The following EIF3J variants were observed in gnomAD, a reference collection of about 807,000 sequenced individuals.
EIF3J encodes the protein eukaryotic translation initiation factor 3, subunit 1 (alpha, 35kD).
Under a neutral mutation model 39.0 loss-of-function variants are expected in EIF3J, and 15 were observed. The ratio of observed to expected loss-of-function variants is 0.38; its 90% CI spans 0.26 to 0.59. The LOEUF (loss-of-function observed/expected upper bound fraction) is 0.59. Among genes scored for constraint, EIF3J ranks in the 20% least tolerant of loss-of-function variants. EIF3J has a pLI of 0.60. For missense variants in EIF3J, 226 were observed against 308.6 expected (o/e 0.73, Z 2.00); for synonymous variants, 98 against 112.9 (o/e 0.87, Z 0.84).
intron 2 of EIF3J, among the ~76,000 whole-genome samples, chr15:44,539,885 C>G (rs1417732951): frequency 6.6e-6 from 1 of 151,144 alleles, no homozygotes; most frequent in African/African-American, 2.4e-5. Flanking sequence ...CTCAGCCTTT[C>G]TAGTAGCTGG....
chr15:44,557,542 G>T lies in EIF3J; in HGVS notation c.463G>T (p.Asp155Tyr). Reference protein sequence around the residue: ...IDAMNPSSRDDFTEFGKLLKD... With the variant: ...IDAMNPSSRDYFTEFGKLLKD... ...TGCTATGAACCCATCTTCAAGAGAT[G>T]ACTTTACAGAGTTTGGAAAGTTACT... The change falls in exon 6 of 8, where the codon GAC becomes TAC. Residue 155 changes from aspartate to tyrosine, a missense_variant. Asp to Tyr is a radical substitution (Grantham distance 160). This residue lies in a region of EIF3J where 83 missense variants were observed against 152.6 expected (regional missense o/e 0.54). Coordinates refer to ENST00000261868, the MANE Select transcript of EIF3J (RefSeq NM_003758.4). 6.4e-7 allele frequency: 1 copy of T among 1,556,798 alleles called. No homozygotes were observed. Among genetic ancestry groups the T allele is most frequent in the South Asian group, 1.3e-5 (1 of 77,824 alleles).
At chr15:44,557,070 T>C (rs2140901861) in intron 5 of EIF3J, among the ~76,000 whole-genome samples, 1 of 152,352 alleles carries the variant, frequency 6.6e-6, no homozygotes, top group South Asian at 2.1e-4. Flanking sequence ...TACAGAATTA[T>C]ATGCTTCCTT....
At chr15:44,553,104 T>C (rs1013971875) in intron 4 of EIF3J, among the ~76,000 whole-genome samples, 19 of 151,608 alleles carry the variant, frequency 1.3e-4, no homozygotes, top group African/African-American at 4.6e-4. Flanking sequence ...GAGAATCACT[T>C]GAGCCCAGGA....
At chr15:44,560,915 C>T in intron 7 of EIF3J, 103 bp from the exon 8 acceptor site, 1 of 1,473,264 alleles carries the variant, frequency 6.8e-7, no homozygotes. Context: ...ACTAGTGTTT[C>T]TGGGACCAAA....
chr15:44,547,973 T>G (rs1595801652), intron 2 of EIF3J, among the ~76,000 whole-genome samples: 1 of 152,136 alleles, frequency 6.6e-6, no homozygotes, highest in Non-Finnish European at 1.5e-5. Flanking sequence ...TCCTAACTGC[T>G]AATGGAGAAG....
intron 4 of EIF3J, among the ~76,000 whole-genome samples, chr15:44,552,110 C>T (rs142740660): frequency 1.8e-4 from 28 of 152,040 alleles, no homozygotes; most frequent in African/African-American, 5.8e-4. Context: ...TGTGAGCCAC[C>T]GCGTCTGGCC....
rs1403902863 is a variant in EIF3J at position 44,561,859 on chromosome 15, ATTTT to A, written c.*712_*715del. 1.3e-5 allele frequency: 2 copies of A among 152,498 alleles called. No homozygotes were observed. Among genetic ancestry groups the A allele is most frequent in the Non-Finnish European group, 2.9e-5 (2 of 67,996 alleles). The allele number at this position is 152,498 out of a possible 1,614,324, so 9.4% of individuals were successfully genotyped here. A position where few individuals can be genotyped will look rare whatever the true frequency, so the allele number is the denominator to read the frequency against. On this transcript the variant is annotated 3_prime_UTR_variant, in exon 8 of 8. Coordinates refer to ENST00000261868, the MANE Select transcript of EIF3J (RefSeq NM_003758.4). ...TGCTTCAGGTGGGGGAGGGAAACTT[ATTTT>A]TATTTGCCTGATTTAAGTGTCTGAG...
At chr15:44,555,002 G>A (rs911462119) in intron 5 of EIF3J, among the ~76,000 whole-genome samples, 1 of 152,240 alleles carries the variant, frequency 6.6e-6, no homozygotes, top group Non-Finnish European at 1.5e-5. Context: ...GAAATGGACT[G>A]TAGGGCTGTC....
rs1046342811 is a variant in EIF3J at position 44,562,402 on chromosome 15, G to A, written c.*1253G>A. ...GGTTTATGGCTGTTAAGTATAGATT[G>A]GGGAATCTTTATTATGTCTTCTCCT... On this transcript the variant is annotated 3_prime_UTR_variant, in exon 8 of 8. Coordinates refer to ENST00000261868, the MANE Select transcript of EIF3J (RefSeq NM_003758.4). 1 of 152,300 alleles carries A rather than the reference G, an allele frequency of 6.6e-6. No homozygotes were observed. The highest frequency in any genetic ancestry group is 2.1e-4 in the South Asian group (1 of 4,822). 9.4% of individuals were successfully genotyped at this position (152,300 alleles called of 1,614,324 possible). A position where few individuals can be genotyped will look rare whatever the true frequency, so the allele number is the denominator to read the frequency against.
intron 5 of EIF3J, among the ~76,000 whole-genome samples, chr15:44,555,396 C>G (rs2082136136): frequency 6.6e-6 from 1 of 152,050 alleles, no homozygotes; most frequent in Admixed American, 6.6e-5. Flanking sequence ...ATTCTGATAC[C>G]CCTCCCCCAC....
At chr15:44,559,721 A>T (rs2082175862) in intron 6 of EIF3J, among the ~76,000 whole-genome samples, 1 of 149,778 alleles carries the variant, frequency 6.7e-6, no homozygotes, top group African/African-American at 2.5e-5. Context: ...AAAAAAAAAA[A>T]TAATAGTAAT....
chr15:44,544,936 G>A (rs902413814), intron 2 of EIF3J, among the ~76,000 whole-genome samples: 9 of 151,056 alleles, frequency 6.0e-5, no homozygotes, highest in African/African-American at 2.2e-4. Context: ...CCTAGGAGGC[G>A]GAGGTTGCAG....
chr15:44,559,836 G>A (rs574150879), intron 6 of EIF3J, among the ~76,000 whole-genome samples: 3 of 152,292 alleles, frequency 2.0e-5, no homozygotes, highest in East Asian at 3.9e-4. Context: ...AGGATAGTAG[G>A]GAGCATTGTG....
chr15:44,560,209 T>A (rs1337445939), intron 6 of EIF3J, 40 bp from the exon 7 acceptor site: 1 of 1,566,242 alleles, frequency 6.4e-7, no homozygotes, highest in Non-Finnish European at 8.6e-7. Context: ...TCAAAATGCT[T>A]AAAAATTCAA....
At chr15:44,544,068 GT>G (rs1320695634) in intron 2 of EIF3J, among the ~76,000 whole-genome samples, 2 of 146,976 alleles carry the variant, frequency 1.4e-5, no homozygotes, top group South Asian at 4.4e-4. Flanking sequence ...TTGCAGACCA[GT>G]TTTTTTCTTT....
At position 44,537,196 on chromosome 15, in the gene EIF3J, T is replaced by TGGCGGC. The variant is rs560378535; in HGVS notation, c.20_25dup (p.Ala7_Ala8dup). The TGGCGGC allele has an allele frequency of 1.8e-4, 282 of 1,601,428 alleles. No homozygotes were observed. The highest frequency in any genetic ancestry group is 9.8e-4 in the African/African-American group (73 of 74,152). ...ACACACGCTCACACCCGGCTCGAGA[T>TGGCGGC]GGCGGCGGCGGCGGCGGCGGCGGGG... On this transcript the variant is annotated inframe_insertion, in exon 1 of 8. Transcript: ENST00000261868.
At chr15:44,547,440 CTTTTTT>C (rs986408245) in intron 2 of EIF3J, among the ~76,000 whole-genome samples, 1 of 92,524 alleles carries the variant, frequency 1.1e-5, no homozygotes. Context: ...GGCCTTGATT[CTTTTTT>C]TTTTTTTTTT....
At chr15:44,539,692 A>G (rs539927532) in intron 2 of EIF3J, among the ~76,000 whole-genome samples, 79 of 144,212 alleles carry the variant, frequency 5.5e-4, no homozygotes, top group African/African-American at 1.6e-3. Flanking sequence ...GAGCCACCAC[A>G]CCCGGCCCCA....
In EIF3J at chr15:44,562,400, T is replaced by C. The variant is rs571137659; in HGVS notation, c.*1251T>C. 2.0e-5 allele frequency: 3 copies of C among 152,382 alleles called. No homozygotes were observed. The highest frequency in any genetic ancestry group is 2.1e-4 in the South Asian group (1 of 4,830). The allele number at this position is 152,382 out of a possible 1,614,324, so 9.4% of individuals were successfully genotyped here. A position where few individuals can be genotyped will look rare whatever the true frequency, so the allele number is the denominator to read the frequency against. The stretch of plus-strand genomic sequence containing the variant: ...CAGGTTTATGGCTGTTAAGTATAGA[T>C]TGGGGAATCTTTATTATGTCTTCTC... On this transcript the variant is annotated 3_prime_UTR_variant, in exon 8 of 8. Coordinates refer to ENST00000261868, the MANE Select transcript of EIF3J (RefSeq NM_003758.4).
Sources: allele counts gnomAD v4.1 joint callset (sites outside exome capture counted in the v4.1 genomes callset), GRCh38; gene constraint gnomAD v4.1.1; regional missense constraint gnomAD v4.1.1; transcripts MANE v1.5; gene names NCBI Gene and HGNC (gene_info 2026-07-23, HGNC 2026-07-21).